Variants in DNAH6 observed in about 807,000 individuals in gnomAD.
DNAH6 encodes the protein axonemal beta dynein heavy chain 6.
Under a neutral mutation model 491.4 loss-of-function variants are expected in DNAH6, and 340 were observed. The ratio of observed to expected loss-of-function variants is 0.69; its 90% CI spans 0.63 to 0.76. The LOEUF is 0.76. DNAH6 is among the 30% of genes least tolerant of loss of function. The probability of loss-of-function intolerance (pLI) is 0.00; values close to 1 mark genes in which losing one functional copy is unlikely to be tolerated. For missense variants in DNAH6, 4,443 were observed against 4,972.2 expected (o/e 0.89, Z 3.20); for synonymous variants, 1,603 against 1,686.1 (o/e 0.95, Z 1.21).
chr2:84,612,644 T>A (rs1686444976), intron 22 of DNAH6, among the ~76,000 whole-genome samples: 1 of 152,168 alleles, frequency 6.6e-6, no homozygotes, highest in Admixed American at 6.6e-5. Context: ...CATGGCCTTC[T>A]TCCAGCCTGT....
At chr2:84,757,405 C>T (rs563458588) in intron 63 of DNAH6, among the ~76,000 whole-genome samples, 112 of 152,224 alleles carry the variant, frequency 7.4e-4, no homozygotes, top group African/African-American at 2.6e-3. Context: ...CTTTGAAAGT[C>T]AGGAAATGTA....
intron 46 of DNAH6, among the ~76,000 whole-genome samples, chr2:84,696,177 A>G (rs557368677): frequency 2.2e-4 from 33 of 152,008 alleles, no homozygotes; most frequent in Non-Finnish European, 4.6e-4. Flanking sequence ...ACTATATTTC[A>G]TATTTTACAG....
At chr2:84,576,546 A>G (rs946717844) in intron 12 of DNAH6, among the ~76,000 whole-genome samples, 1 of 152,170 alleles carries the variant, frequency 6.6e-6, no homozygotes, top group East Asian at 1.9e-4. Flanking sequence ...CTAAATTTTT[A>G]GAGGCCCAGA....
chr2:84,570,098 G>A (rs943815234), intron 11 of DNAH6, among the ~76,000 whole-genome samples: 2 of 152,004 alleles, frequency 1.3e-5, no homozygotes, highest in African/African-American at 4.8e-5. Flanking sequence ...TCTCTTTGCA[G>A]TACTCTCTTC....
At chr2:84,481,992 C>A in the DNAH6 span, among the ~76,000 whole-genome samples, 1 of 152,152 alleles carries the variant, frequency 6.6e-6, no homozygotes, top group Admixed American at 6.5e-5. Flanking sequence ...GAAGTCACAC[C>A]CCGTGATGCT....
chr2:84,640,687 C>A, intron 32 of DNAH6, 109 bp downstream of exon 32: 1 of 1,095,602 alleles, frequency 9.1e-7, no homozygotes, highest in Non-Finnish European at 1.3e-6. Context: ...TAAATGTTGG[C>A]TGCTGCTGTT....
chr2:84,705,346 A>G (rs1469172836), intron 51 of DNAH6, 140 bp from the exon 52 acceptor site: 2 of 858,186 alleles, frequency 2.3e-6, no homozygotes, highest in Admixed American at 6.2e-5. Flanking sequence ...GCACCTAACT[A>G]CCAATTACTA....
intron 63 of DNAH6, among the ~76,000 whole-genome samples, chr2:84,749,291 T>C (rs1000465743): frequency 6.6e-6 from 1 of 151,604 alleles, no homozygotes; most frequent in African/African-American, 2.4e-5. Flanking sequence ...TTGGTAAGAG[T>C]AGTTATAGGA....
chr2:84,779,181 C>A (rs1676438104), intron 64 of DNAH6, among the ~76,000 whole-genome samples: 1 of 152,096 alleles, frequency 6.6e-6, no homozygotes, highest in African/African-American at 2.4e-5. Context: ...TGATTTATGT[C>A]CAGAATTTTT....
chr2:84,681,742 GAA>G (rs34477648), intron 42 of DNAH6, among the ~76,000 whole-genome samples: 9 of 132,520 alleles, frequency 6.8e-5, no homozygotes, highest in Admixed American at 7.7e-5. Flanking sequence ...GTCTTTCACT[GAA>G]AAAAAAAAAA....
At position 84,584,142 on chromosome 2, in the gene DNAH6, T is replaced by C. The variant is rs1455019119; in HGVS notation, c.2373T>C (p.Asp791=). ...PSIVAVRNAI[D]KSVGDRESSI... ...TTGTTGCTGTTCGGAATGCCATTGA[T>C]AAATCAGTGGGTGATAGAGAATCAA... The change falls in exon 15 of 77, where the codon GAT becomes GAC. Residue 791 remains aspartate, a synonymous_variant. Transcript: ENST00000389394. The C allele has an allele frequency of 6.2e-7, 1 of 1,614,194 alleles. No individual in the cohort carries two copies.
In DNAH6 at chr2:84,663,494, T is replaced by TTGAAGATCAAG. The variant is rs1270760188; in HGVS notation, c.6084+4325_6084+4326insTGAAGATCAAG. Reference sequence around the variant, plus strand: ...ATTCTATCAATTGGAAGAAAGGGTATCAGAGATTGAAGATCAAATGAATGA... The same window carrying TTGAAGATCAAG: ...ATTCTATCAATTGGAAGAAAGGGTATTGAAGATCAAGCAGAGATTGAAGATCAAATGAATGA... On this transcript the variant is annotated intron_variant, in intron 37 of 76. Transcript: ENST00000389394. Among the ~76,000 whole-genome samples, 647 of 152,182 alleles carry TTGAAGATCAAG rather than the reference T, an allele frequency of 4.3e-3. 3 individuals are homozygous for TTGAAGATCAAG. Among genetic ancestry groups the TTGAAGATCAAG allele is most frequent in the African/African-American group, 0.015 (606 of 41,510 alleles).
At chr2:84,645,649 G>A (rs1689827390) in intron 33 of DNAH6, among the ~76,000 whole-genome samples, 1 of 152,028 alleles carries the variant, frequency 6.6e-6, no homozygotes, top group Non-Finnish European at 1.5e-5. Context: ...TATAGATGCT[G>A]GATATTAGAC....
At chr2:84,491,209 T>A in the DNAH6 span, among the ~76,000 whole-genome samples, 1 of 152,348 alleles carries the variant, frequency 6.6e-6, no homozygotes, top group South Asian at 2.1e-4. Flanking sequence ...TTTCAAAGTG[T>A]CTGTATCATT....
Position 84,819,407 on chromosome 2 carries a change from GA to G in DNAH6, c.*3del. On this transcript the variant is annotated frameshift_variant and stop_lost, in exon 77 of 77. Coordinates refer to ENST00000389394, the MANE Select transcript of DNAH6 (RefSeq NM_001370.2). LOFTEE classifies it high-confidence loss of function. ...GCTTTGCTCTGCCAGCTGAGCGAAT[GA>G]AAAGGTGCCACCTCAGCCCTGAAAA... ...GSALLCQLSE[*>X] is the part of the protein sequence containing the mutation. 6.5e-7 allele frequency: 1 copy of G among 1,547,912 alleles called. No individual in the cohort carries two copies. Among genetic ancestry groups the G allele is most frequent in the African/African-American group, 1.4e-5 (1 of 73,044 alleles).
intron 35 of DNAH6, among the ~76,000 whole-genome samples, chr2:84,657,938 T>C (rs1691134013): frequency 6.6e-6 from 1 of 152,096 alleles, no homozygotes; most frequent in African/African-American, 2.4e-5. Context: ...TAAAATGTTG[T>C]CTTCTGTGTT....
intron 7 of DNAH6, among the ~76,000 whole-genome samples, chr2:84,547,975 C>G (rs1178352974): frequency 6.6e-6 from 1 of 152,096 alleles, no homozygotes; most frequent in African/African-American, 2.4e-5. Flanking sequence ...ACTCAGTTAG[C>G]ATGTACTATA....
At chr2:84,797,816 C>T in intron 70 of DNAH6, 158 bp downstream of exon 70, 2 of 703,658 alleles carry the variant, frequency 2.8e-6, no homozygotes, top group Admixed American at 2.8e-5. Flanking sequence ...CCAATTTAGC[C>T]TGTTACCTCT....
At chr2:84,631,764 C>A (rs1447214648) in intron 29 of DNAH6, among the ~76,000 whole-genome samples, 1 of 152,102 alleles carries the variant, frequency 6.6e-6, no homozygotes, top group Non-Finnish European at 1.5e-5. Context: ...TTGTTGATAC[C>A]TTTATTTCAG....
Sources: allele counts gnomAD v4.1 joint callset (sites outside exome capture counted in the v4.1 genomes callset), GRCh38; gene constraint gnomAD v4.1.1; transcripts MANE v1.5; gene names NCBI Gene and HGNC (gene_info 2026-07-23, HGNC 2026-07-21).